Variants in ABLIM1 observed in about 807,000 individuals in gnomAD.
ABLIM1 encodes actin-binding LIM protein 1.
ABLIM1 carries 40 observed loss-of-function variants against 107.0 expected under a neutral mutation model. The observed-to-expected ratio is 0.37, with a 90% CI of 0.29 to 0.49. The LOEUF is 0.49. Among genes scored for constraint, ABLIM1 ranks in the 20% least tolerant of loss-of-function variants. The pLI is 0.97. For missense variants in ABLIM1, 857 were observed against 1,008.5 expected (o/e 0.85, Z 2.04); for synonymous variants, 357 against 357.3 (o/e 1.00, Z 0.01).
At chr10:114,799,189 T>C in the ABLIM1 span, among the ~76,000 whole-genome samples, 1 of 152,200 alleles carries the variant, frequency 6.6e-6, no homozygotes, top group Non-Finnish European at 1.5e-5. Context: ...TCAATGTTAC[T>C]CTCCTATGCT....
At chr10:114,476,662 A>AATAATAATG (rs895025757) in intron 8 of ABLIM1, among the ~76,000 whole-genome samples, 5 of 149,734 alleles carry the variant, frequency 3.3e-5, no homozygotes, top group African/African-American at 7.4e-5. Context: ...TAATAATAAT[A>AATAATAATG]ATAATAATAA....
intron 6 of ABLIM1, among the ~76,000 whole-genome samples, chr10:114,496,058 C>A (rs1232359723): frequency 5.9e-5 from 9 of 152,172 alleles, no homozygotes; most frequent in Non-Finnish European, 1.2e-4. Flanking sequence ...CAGAGACAGT[C>A]CCAAGGTCAT....
intron 6 of ABLIM1, among the ~76,000 whole-genome samples, chr10:114,521,857 A>G (rs1185366470): frequency 6.6e-6 from 1 of 152,188 alleles, no homozygotes; most frequent in Non-Finnish European, 1.5e-5. Flanking sequence ...GCAGATAAGA[A>G]TTCCAGATAG....
intron 6 of ABLIM1, among the ~76,000 whole-genome samples, chr10:114,510,373 A>C (rs2061683125): frequency 6.6e-6 from 1 of 150,530 alleles, no homozygotes; most frequent in African/African-American, 2.5e-5. Flanking sequence ...GTATTTCTTG[A>C]CTTGAATATA....
chr10:114,436,036 CTG>C lies in ABLIM1; in HGVS notation c.*222_*223del, dbSNP rs2059335736. On this transcript the variant is annotated 3_prime_UTR_variant, in exon 23 of 23. Coordinates refer to ENST00000533213, the MANE Select transcript of ABLIM1 (RefSeq NM_002313.7). ...GAAAAGCTCACATGTGGACACTACT[CTG>C]TGTTTCGGAACATAGAAATTTCTAC... The C allele has an allele frequency of 2.6e-5, 14 of 544,288 alleles. No individual in the cohort carries two copies. The East Asian group carries it at 4.2e-4, about 17-fold the overall frequency. The allele number at this position is 544,288 out of a possible 1,614,324, so 33.7% of individuals were successfully genotyped here.
At chr10:114,616,974 T>TA (rs1218468650) in intron 1 of ABLIM1, among the ~76,000 whole-genome samples, 5 of 152,204 alleles carry the variant, frequency 3.3e-5, no homozygotes, top group Non-Finnish European at 7.3e-5. Context: ...GCACAATTAG[T>TA]AAACAGGCAA....
chr10:114,484,851 C>A (rs749404085), intron 8 of ABLIM1, among the ~76,000 whole-genome samples: 6 of 152,246 alleles, frequency 3.9e-5, no homozygotes, highest in Admixed American at 6.5e-5. Flanking sequence ...CAGGAAGCGA[C>A]CCTGGAAACC....
chr10:114,592,576 G>A (rs2075004845), intron 2 of ABLIM1, among the ~76,000 whole-genome samples: 2 of 152,034 alleles, frequency 1.3e-5, no homozygotes, highest in Non-Finnish European at 2.9e-5. Context: ...TAAACTGAGG[G>A]AAAAGTGGGG....
At chr10:114,700,271 CA>C (rs2081281962) in intron 1 of ABLIM1, among the ~76,000 whole-genome samples, 1 of 152,160 alleles carries the variant, frequency 6.6e-6, no homozygotes, top group African/African-American at 2.4e-5. Flanking sequence ...TACAAATAAT[CA>C]CTGAGGTAAA....
upstream of ABLIM1, among the ~76,000 whole-genome samples, chr10:114,662,239 T>C (rs1313106484): frequency 1.3e-5 from 2 of 151,976 alleles, no homozygotes; most frequent in African/African-American, 4.9e-5. Context: ...TTCATTTTTG[T>C]TGTTGTTTTT....
At chr10:114,725,886 C>T (rs2081948918) in intron 1 of ABLIM1, among the ~76,000 whole-genome samples, 1 of 151,798 alleles carries the variant, frequency 6.6e-6, no homozygotes. Flanking sequence ...GCTGGAACTA[C>T]AGGTGCACAC....
At chr10:114,782,860 T>A in the ABLIM1 span, among the ~76,000 whole-genome samples, 1 of 152,198 alleles carries the variant, frequency 6.6e-6, no homozygotes, top group East Asian at 1.9e-4. Flanking sequence ...GATTTGCCGA[T>A]GGATTAGACA....
At chr10:114,491,959 A>C (rs2135125690) in intron 6 of ABLIM1, 81 bp from the exon 7 acceptor site, 1 of 1,155,760 alleles carries the variant, frequency 8.7e-7, no homozygotes, top group East Asian at 2.5e-5. Flanking sequence ...ATGATTTAGA[A>C]GAAAAGAGAG....
At position 114,470,421 on chromosome 10, in the gene ABLIM1, C is replaced by CAA. The variant is rs10608392; in HGVS notation, c.1276-2207_1276-2206dup. Among the ~76,000 whole-genome samples the CAA allele has an allele frequency of 4.7e-4, 42 of 88,872 alleles. 1 individual carries two copies. Among genetic ancestry groups the CAA allele is most frequent in the Middle Eastern group, 6.8e-3 (1 of 148 alleles). 58.3% of individuals were successfully genotyped at this position (88,872 alleles called of 152,430 possible). On this transcript the variant is annotated intron_variant, in intron 10 of 22. Coordinates refer to ENST00000533213, the MANE Select transcript of ABLIM1 (RefSeq NM_002313.7). ...TGGGTGACAGAGTGAGACTCCACCTCAAAAAAAAAAAAAAAAAAAAAAGGC... is the reference window on the plus strand; with the variant it reads ...TGGGTGACAGAGTGAGACTCCACCTCAAAAAAAAAAAAAAAAAAAAAAAAGGC...
intron 1 of ABLIM1, among the ~76,000 whole-genome samples, chr10:114,683,329 A>G (rs966943830): frequency 1.3e-5 from 2 of 152,224 alleles, no homozygotes; most frequent in African/African-American, 2.4e-5. Context: ...AAACCACATT[A>G]CTGGACTTTT....
chr10:114,617,425 C>T (rs996942509), intron 1 of ABLIM1, among the ~76,000 whole-genome samples: 22 of 151,942 alleles, frequency 1.4e-4, no homozygotes, highest in African/African-American at 5.3e-4. Flanking sequence ...ACACGTTTGG[C>T]TAATTTTTTT....
At chr10:114,438,853 C>A (rs901632164) in intron 21 of ABLIM1, among the ~76,000 whole-genome samples, 2 of 152,208 alleles carry the variant, frequency 1.3e-5, no homozygotes, top group Non-Finnish European at 2.9e-5. Context: ...AGGGTTGCCT[C>A]ACCTACATGG....
At chr10:114,551,892 C>A (rs1385194208) in intron 4 of ABLIM1, among the ~76,000 whole-genome samples, 1 of 152,114 alleles carries the variant, frequency 6.6e-6, no homozygotes, top group Non-Finnish European at 1.5e-5. Flanking sequence ...CTCCTCCATG[C>A]CCTGCACGGT....
chr10:114,535,324 T>C (rs2065884281), intron 6 of ABLIM1, among the ~76,000 whole-genome samples: 1 of 151,948 alleles, frequency 6.6e-6, no homozygotes, highest in African/African-American at 2.4e-5. Context: ...TTTTTTTTTC[T>C]CCCTGAGATG....
Sources: allele counts gnomAD v4.1 joint callset (sites outside exome capture counted in the v4.1 genomes callset), GRCh38; gene constraint gnomAD v4.1.1; transcripts MANE v1.5; gene names NCBI Gene and HGNC (gene_info 2026-07-23, HGNC 2026-07-21).